TMEM26: variants seen among roughly 807,000 people sequenced by gnomAD.
The protein encoded by TMEM26 is transmembrane protein 26.
TMEM26 carries 38 observed loss-of-function variants against 28.8 expected under a neutral mutation model. The ratio of observed to expected loss-of-function variants is 1.32; its 90% CI spans 1.02 to 1.73. The LOEUF (loss-of-function observed/expected upper bound fraction) is 1.73. Among genes scored for constraint, TMEM26 ranks in the 40% most tolerant of loss-of-function variants. TMEM26 has a pLI of 0.00. For synonymous variants in TMEM26, 227 were observed against 182.9 expected, an observed-to-expected ratio of 1.24 and a Z score of -1.95; for missense variants, 518 against 447.1, an observed-to-expected ratio of 1.16 and a Z score of -1.43.
chr10:61,451,885 T>A (rs953789273), intron 1 of TMEM26, among the ~76,000 whole-genome samples: 1 of 151,986 alleles, frequency 6.6e-6, no homozygotes, highest in Admixed American at 6.6e-5. Flanking sequence ...GTTGTTTCAT[T>A]TTTTTTGAAC....
At chr10:61,418,923 G>A (rs1234131543) in intron 4 of TMEM26, among the ~76,000 whole-genome samples, 1 of 152,078 alleles carries the variant, frequency 6.6e-6, no homozygotes, top group African/African-American at 2.4e-5. Flanking sequence ...AACTCTAAAT[G>A]TGCTATCCAC....
At chr10:61,421,476 G>A (rs868431839) in intron 4 of TMEM26, among the ~76,000 whole-genome samples, 1 of 152,018 alleles carries the variant, frequency 6.6e-6, no homozygotes, top group Admixed American at 6.6e-5. Flanking sequence ...TTAGAAATAG[G>A]GTCTTGGTAG....
intron 4 of TMEM26, among the ~76,000 whole-genome samples, chr10:61,426,140 C>T (rs1034984058): frequency 4.0e-5 from 6 of 151,866 alleles, no homozygotes; most frequent in Non-Finnish European, 5.9e-5. Flanking sequence ...ATGGATGAAT[C>T]CCAGAAACAT....
At chr10:61,421,978 A>T (rs1273718521) in intron 4 of TMEM26, among the ~76,000 whole-genome samples, 5 of 152,272 alleles carry the variant, frequency 3.3e-5, no homozygotes, top group Non-Finnish European at 4.4e-5. Context: ...ATAAAAAAAG[A>T]TATCTCTATG....
At chr10:61,415,216 G>A (rs1006949907) in intron 4 of TMEM26, 2 of 943,524 alleles carry the variant, frequency 2.1e-6, no homozygotes, top group East Asian at 1.2e-4. Context: ...CCATAAAAAA[G>A]GGCTCAAAGA....
At chr10:61,413,708 A>C in intron 4 of TMEM26, 173 bp from the exon 5 acceptor site, 1 of 1,303,424 alleles carries the variant, frequency 7.7e-7, no homozygotes. Context: ...GGAATAATGA[A>C]GAAGTGAAAA....
intron 4 of TMEM26, among the ~76,000 whole-genome samples, chr10:61,425,793 T>C (rs1197910168): frequency 6.6e-6 from 1 of 152,130 alleles, no homozygotes; most frequent in African/African-American, 2.4e-5. Context: ...GGGAAAAGGA[T>C]GGTTGATAAG....
At position 61,410,021 on chromosome 10, in the gene TMEM26, G is replaced by A. The variant is rs967700109; in HGVS notation, c.*301C>T. 9.2e-6 allele frequency: 3 copies of A among 325,066 alleles called. No homozygotes were observed. Among genetic ancestry groups the A allele is most frequent in the Non-Finnish European group, 1.7e-5 (3 of 177,548 alleles). 20.1% of individuals were successfully genotyped at this position (325,066 alleles called of 1,614,324 possible). The stretch of plus-strand genomic sequence containing the variant: ...ACAGTTGGTCTGCACCAAATCTTTC[G>A]AGGGCATGTCACTGTAACCTCTTCC... On this transcript the variant is annotated 3_prime_UTR_variant, in exon 6 of 6. Transcript: ENST00000399298.
chr10:61,431,192 T>C, intron 3 of TMEM26, 27 bp downstream of exon 3: 1 of 1,579,060 alleles, frequency 6.3e-7, no homozygotes, highest in Non-Finnish European at 8.7e-7. Flanking sequence ...TTCTAGATCC[T>C]TTAATAAACA....
intron 1 of TMEM26, among the ~76,000 whole-genome samples, chr10:61,449,677 T>C (rs1840244201): frequency 6.6e-6 from 1 of 152,220 alleles, no homozygotes; most frequent in Admixed American, 6.5e-5. Flanking sequence ...AAAAGAACTT[T>C]TCCACCTTAT....
chr10:61,427,431 G>A (rs1839850288), intron 4 of TMEM26, among the ~76,000 whole-genome samples: 1 of 151,900 alleles, frequency 6.6e-6, no homozygotes, highest in Non-Finnish European at 1.5e-5. Context: ...ATCAGTAGTG[G>A]GTGAGTGAAA....
Position 61,441,161 on chromosome 10 carries a change from G to A in TMEM26, c.192-4913C>T, listed in dbSNP as rs1446496661. On this transcript the variant is annotated intron_variant, in intron 1 of 5. Transcript: ENST00000399298. ...AGCCTGCATATATGAAGGGCTGACC[G>A]TATACTCTCTGCTCCTTCCAGAGTA... Among the ~76,000 whole-genome samples, 4 of 152,098 alleles carry A rather than the reference G, an allele frequency of 2.6e-5. No individual in the cohort carries two copies. In the East Asian group the frequency reaches 5.8e-4, roughly 22 times the overall value.
intron 1 of TMEM26, among the ~76,000 whole-genome samples, chr10:61,440,793 G>A (rs1251552579): frequency 3.9e-5 from 6 of 152,058 alleles, no homozygotes; most frequent in Admixed American, 2.6e-4. Context: ...TCTAAATAAC[G>A]CAAGCACCAG....
intron 1 of TMEM26, among the ~76,000 whole-genome samples, chr10:61,450,947 G>A (rs1047944643): frequency 2.0e-5 from 3 of 152,146 alleles, no homozygotes; most frequent in African/African-American, 7.2e-5. Flanking sequence ...TTCATCACCA[G>A]TCAACATATA....
chr10:61,447,678 T>C (rs1010758366), intron 1 of TMEM26, among the ~76,000 whole-genome samples: 7 of 152,142 alleles, frequency 4.6e-5, no homozygotes, highest in Non-Finnish European at 7.4e-5. Flanking sequence ...AAAAACAGTA[T>C]TAATCGGTCA....
At chr10:61,410,839 G>C in intron 5 of TMEM26, 93 bp from the exon 6 acceptor site, 1 of 1,184,300 alleles carries the variant, frequency 8.4e-7, no homozygotes, top group South Asian at 1.5e-5. Flanking sequence ...AATGGGGACT[G>C]TGCTAGTAAT....
At chr10:61,451,184 T>C (rs1317534134) in intron 1 of TMEM26, among the ~76,000 whole-genome samples, 1 of 152,208 alleles carries the variant, frequency 6.6e-6, no homozygotes, top group Non-Finnish European at 1.5e-5. Context: ...CCAACCATTT[T>C]TCCTCTCTCG....
At chr10:61,440,843 T>C (rs1219908887) in intron 1 of TMEM26, among the ~76,000 whole-genome samples, 2 of 152,202 alleles carry the variant, frequency 1.3e-5, no homozygotes, top group East Asian at 1.9e-4. Flanking sequence ...CATCCCTTAG[T>C]ATCTGGGGGG....
chr10:61,444,881 A>C (rs1480172967), intron 1 of TMEM26, among the ~76,000 whole-genome samples: 2 of 152,092 alleles, frequency 1.3e-5, no homozygotes, highest in Non-Finnish European at 2.9e-5. Context: ...AAGCAGAGGC[A>C]TAAAGGCACT....
Sources: gnomAD v4.1 joint callset for allele counts (sites outside exome capture counted in the v4.1 genomes callset) on GRCh38, gnomAD v4.1.1 for gene constraint, MANE v1.5 for transcripts, NCBI Gene and HGNC (gene_info 2026-07-23, HGNC 2026-07-21) for gene names.